The following ITFG1 variants were observed in gnomAD, a reference collection of about 807,000 sequenced individuals.
ITFG1 encodes the protein T-cell immunomodulatory protein.
Under a neutral mutation model 81.8 loss-of-function variants are expected in ITFG1, and 34 were observed. That is an observed-to-expected ratio of 0.42 (90% CI 0.32 to 0.55). The LOEUF (loss-of-function observed/expected upper bound fraction) is 0.55. Among genes scored for constraint, ITFG1 ranks in the 20% least tolerant of loss-of-function variants. The pLI is 0.17. For missense variants in ITFG1, 672 were observed against 755.4 expected (o/e 0.89, Z 1.29); for synonymous variants, 285 against 270.6 (o/e 1.05, Z -0.52).
intron 5 of ITFG1, among the ~76,000 whole-genome samples, chr16:47,430,057 CTTT>C (rs920966590): frequency 6.6e-5 from 8 of 121,988 alleles, no homozygotes; most frequent in Non-Finnish European, 1.2e-4. Context: ...TTTTACTTTT[CTTT>C]TTTTTTTTTT....
At chr16:47,426,995 C>T (rs1034755777) in intron 6 of ITFG1, among the ~76,000 whole-genome samples, 13 of 152,006 alleles carry the variant, frequency 8.6e-5, no homozygotes, top group African/African-American at 2.2e-4. Flanking sequence ...GAAGTGGGGG[C>T]GGAGGTGGGG....
chr16:47,288,670 A>T (rs539628948), intron 10 of ITFG1, among the ~76,000 whole-genome samples: 42 of 151,968 alleles, frequency 2.8e-4, no homozygotes, highest in Admixed American at 3.3e-4. Flanking sequence ...AGGCCAAGGT[A>T]GGAAGATTAC....
At chr16:47,438,520 G>A (rs1290082413) in intron 5 of ITFG1, among the ~76,000 whole-genome samples, 2 of 152,126 alleles carry the variant, frequency 1.3e-5, no homozygotes, top group East Asian at 3.9e-4. Context: ...CAGCATTTGC[G>A]GCTCACCAAT....
intron 8 of ITFG1, among the ~76,000 whole-genome samples, chr16:47,361,237 TATAA>T (rs1204127875): frequency 3.3e-5 from 5 of 152,114 alleles, no homozygotes; most frequent in Admixed American, 6.6e-5. Context: ...CTGTATAATT[TATAA>T]ATAAATTTAT....
At chr16:47,184,778 A>G (rs1333778623) in intron 14 of ITFG1, among the ~76,000 whole-genome samples, 1 of 152,150 alleles carries the variant, frequency 6.6e-6, no homozygotes, top group African/African-American at 2.4e-5. Flanking sequence ...ACACATAACA[A>G]TATTAACTTT....
At chr16:47,334,392 C>T (rs1308216163) in intron 8 of ITFG1, among the ~76,000 whole-genome samples, 1 of 152,052 alleles carries the variant, frequency 6.6e-6, no homozygotes, top group Non-Finnish European at 1.5e-5. Flanking sequence ...CTCACTACTG[C>T]ACTCCAAACT....
chr16:47,295,808 C>T (rs1391201804), intron 10 of ITFG1, among the ~76,000 whole-genome samples: 1 of 151,498 alleles, frequency 6.6e-6, no homozygotes, highest in Non-Finnish European at 1.5e-5. Context: ...TTTAGTACTG[C>T]TTTAATTTTT....
intron 12 of ITFG1, among the ~76,000 whole-genome samples, chr16:47,255,096 T>G (rs567447888): frequency 6.6e-6 from 1 of 152,246 alleles, no homozygotes; most frequent in East Asian, 1.9e-4. Flanking sequence ...CAAAAAAGTT[T>G]ATTGAAGTAC....
chr16:47,249,562 A>G (rs1966042887), intron 12 of ITFG1, among the ~76,000 whole-genome samples: 1 of 152,248 alleles, frequency 6.6e-6, no homozygotes, highest in Admixed American at 6.5e-5. Context: ...GATTAAAAAA[A>G]TATGAAAACA....
intron 10 of ITFG1, among the ~76,000 whole-genome samples, chr16:47,269,152 G>A (rs1465322754): frequency 6.6e-6 from 1 of 152,080 alleles, no homozygotes; most frequent in Non-Finnish European, 1.5e-5. Context: ...TGAATATACA[G>A]GTTCTAGCCA....
chr16:47,311,146 C>A, intron 10 of ITFG1, 94 bp downstream of exon 10: 1 of 780,366 alleles, frequency 1.3e-6, no homozygotes, highest in Non-Finnish European at 1.9e-6. Flanking sequence ...GAGATTATAA[C>A]ATATTTAGGT....
chr16:47,452,191 A>T (rs940407881), intron 4 of ITFG1, among the ~76,000 whole-genome samples: 3 of 152,202 alleles, frequency 2.0e-5, no homozygotes, highest in African/African-American at 7.2e-5. Flanking sequence ...TACTGGAAAC[A>T]AGAATGTGGC....
intron 10 of ITFG1, among the ~76,000 whole-genome samples, chr16:47,301,365 C>T (rs1352973847): frequency 6.6e-6 from 1 of 151,778 alleles, no homozygotes. Context: ...TATTTCAAAA[C>T]TGGCAGTATT....
intron 14 of ITFG1, among the ~76,000 whole-genome samples, chr16:47,181,317 C>T (rs1438122735): frequency 1.3e-5 from 2 of 151,322 alleles, no homozygotes; most frequent in African/African-American, 4.9e-5. Context: ...TGAGGAGCGT[C>T]TCCGCCTGGC....
chr16:47,381,381 T>C (rs1051800156), intron 6 of ITFG1, among the ~76,000 whole-genome samples: 1 of 152,208 alleles, frequency 6.6e-6, no homozygotes, highest in African/African-American at 2.4e-5. Context: ...AAGAAAACTA[T>C]TCATAATATT....
chr16:47,233,052 C>T (rs1965834026), intron 13 of ITFG1, among the ~76,000 whole-genome samples: 1 of 152,038 alleles, frequency 6.6e-6, no homozygotes. Flanking sequence ...CTGATAAAAG[C>T]CATGAAGTAA....
rs144927089 is a variant in ITFG1 at position 47,191,988 on chromosome 16, G to A, written c.1453+26880C>T. On this transcript the variant is annotated intron_variant, in intron 14 of 17. Coordinates refer to ENST00000320640, the MANE Select transcript of ITFG1 (RefSeq NM_030790.5). ...GTCTGGCTAATTTTTGTTATTTCTCGAGCCCAGTCTCGAACCCCTGGGCTC... is the reference window on the plus strand; with the variant it reads ...GTCTGGCTAATTTTTGTTATTTCTCAAGCCCAGTCTCGAACCCCTGGGCTC... Among the ~76,000 whole-genome samples the A allele has an allele frequency of 1.0e-3, 154 of 152,078 alleles. 1 individual carries two copies. The highest frequency in any genetic ancestry group is 6.8e-3 in the Middle Eastern group (2 of 294).
At chr16:47,327,497 C>G (rs1432910843) in intron 8 of ITFG1, among the ~76,000 whole-genome samples, 5 of 152,114 alleles carry the variant, frequency 3.3e-5, no homozygotes, top group Admixed American at 6.5e-5. Flanking sequence ...AACTAAAGAG[C>G]TTCTGCACAG....
intron 8 of ITFG1, among the ~76,000 whole-genome samples, chr16:47,347,639 G>A (rs1360855035): frequency 6.6e-6 from 1 of 152,200 alleles, no homozygotes; most frequent in African/African-American, 2.4e-5. Context: ...CCGAACAAAG[G>A]GCAGCAGAAA....
Sources: allele counts gnomAD v4.1 joint callset (sites outside exome capture counted in the v4.1 genomes callset), GRCh38; gene constraint gnomAD v4.1.1; transcripts MANE v1.5; gene names NCBI Gene and HGNC (gene_info 2026-07-23, HGNC 2026-07-21).